The following HRH1 variants were observed in gnomAD, a reference collection of about 807,000 sequenced individuals.
HRH1 encodes the protein histamine H1 receptor.
HRH1 carries 6 observed loss-of-function variants against 10.3 expected under a neutral mutation model. That is an observed-to-expected ratio of 0.58 (90% CI 0.32 to 1.15). The LOEUF (loss-of-function observed/expected upper bound fraction) is 1.15, where lower values mean the gene tolerates loss of function less well. Among genes scored for constraint, HRH1 ranks in the 50% most tolerant of loss-of-function variants. HRH1 has a pLI of 0.05. For missense variants in HRH1, 514 were observed against 615.3 expected (o/e 0.84, Z 1.74); for synonymous variants, 242 against 236.7 (o/e 1.02, Z -0.21).
chr3:11,250,738 C>T (rs1345627700), intron 1 of HRH1, among the ~76,000 whole-genome samples: 1 of 152,078 alleles, frequency 6.6e-6, no homozygotes, highest in Non-Finnish European at 1.5e-5. Context: ...GGGGGTAGAC[C>T]TATGTTTTTT....
intron 1 of HRH1, among the ~76,000 whole-genome samples, chr3:11,227,286 CTT>C (rs111275947): frequency 7.0e-5 from 10 of 142,950 alleles, no homozygotes; most frequent in African/African-American, 1.5e-4. Context: ...TGATTAAGAT[CTT>C]TTTTTTTTTT....
chr3:11,241,007 A>G (rs969822333), intron 1 of HRH1, among the ~76,000 whole-genome samples: 2 of 152,244 alleles, frequency 1.3e-5, no homozygotes. Flanking sequence ...AGAGAAAATA[A>G]AAGATGTGCT....
At chr3:11,197,532 A>G (rs1675500162) in intron 1 of HRH1, among the ~76,000 whole-genome samples, 1 of 152,214 alleles carries the variant, frequency 6.6e-6, no homozygotes, top group Non-Finnish European at 1.5e-5. Flanking sequence ...TGGGAAAGGC[A>G]CATTAATCTG....
rs199558620 is a variant in HRH1, at chr3:11,262,638, G to A, written c.*2137G>A. ...GGTCCCTCAGGACCAAAGAACACTCGAAAAGAGCACTTCACACAGACAAGT... is the reference window on the plus strand; with the variant it reads ...GGTCCCTCAGGACCAAAGAACACTCAAAAAGAGCACTTCACACAGACAAGT... On this transcript the variant is annotated 3_prime_UTR_variant, in exon 2 of 2. Coordinates refer to ENST00000431010, the MANE Select transcript of HRH1 (RefSeq NM_001098212.2). The A allele has an allele frequency of 3.0e-5, 5 of 167,018 alleles. No individual in the cohort carries two copies. The highest frequency in any genetic ancestry group is 6.5e-5 in the Admixed American group (1 of 15,284). The allele number at this position is 167,018 out of a possible 1,614,324, so 10.3% of individuals were successfully genotyped here. A position where few individuals can be genotyped will look rare whatever the true frequency, so the allele number is the denominator to read the frequency against.
intron 1 of HRH1, among the ~76,000 whole-genome samples, chr3:11,156,627 G>A (rs1433372390): frequency 5.3e-5 from 8 of 152,172 alleles, no homozygotes; most frequent in Admixed American, 6.5e-5. Flanking sequence ...GTTGCTACAC[G>A]TCTCCGTTCC....
At chr3:11,237,968 G>A (rs1021484580) in intron 1 of HRH1, among the ~76,000 whole-genome samples, 15 of 152,114 alleles carry the variant, frequency 9.9e-5, no homozygotes, top group African/African-American at 3.1e-4. Context: ...GAGCCACTGC[G>A]CCCAGCCTCT....
intron 1 of HRH1, among the ~76,000 whole-genome samples, chr3:11,138,267 C>T (rs1181263204): frequency 6.6e-6 from 1 of 150,808 alleles, no homozygotes; most frequent in Non-Finnish European, 1.5e-5. Context: ...TGTGATCTGC[C>T]CGCCTCGGCC....
chr3:11,260,331 T>C lies in HRH1; in HGVS notation c.1294T>C (p.Phe432Leu). 6.2e-7 allele frequency: 1 copy of C among 1,614,208 alleles called. No homozygotes were observed. Among genetic ancestry groups the C allele is most frequent in the East Asian group, 2.2e-5 (1 of 44,890 alleles). Residue 432 changes from phenylalanine (F) to leucine (L), a missense_variant, in exon 2 of 2, where the codon TTC (phenylalanine) becomes CTC (leucine). Phe to Leu is a conservative substitution (Grantham distance 22). Transcript: ENST00000431010. ...AAFILCWIPYFIFFMVIAFCK... is the reference protein window; with the variant it reads ...AAFILCWIPYLIFFMVIAFCK... ...CTTCATCCTCTGCTGGATCCCTTAT[T>C]TCATCTTCTTCATGGTCATTGCCTT...
rs575450467 is a variant in HRH1, at chr3:11,262,944, G to A, written c.*2443G>A. The A allele has an allele frequency of 4.2e-5, 7 of 167,172 alleles. No individual in the cohort carries two copies. Among genetic ancestry groups the A allele is most frequent in the African/African-American group, 1.7e-4 (7 of 41,566 alleles). 10.4% of individuals were successfully genotyped at this position (167,172 alleles called of 1,614,324 possible). The stretch of plus-strand genomic sequence containing the variant: ...TGCCAGGCTTTGTGTTTTATCTAAT[G>A]TTATCTAATGGTATTGGTGCCATTA... On this transcript the variant is annotated 3_prime_UTR_variant, in exon 2 of 2. Transcript: ENST00000431010.
At chr3:11,222,775 C>A (rs950997414) in intron 1 of HRH1, among the ~76,000 whole-genome samples, 1 of 152,160 alleles carries the variant, frequency 6.6e-6, no homozygotes, top group Non-Finnish European at 1.5e-5. Flanking sequence ...CCTAAGACAA[C>A]ACTACACCCT....
At chr3:11,238,412 G>A (rs1424120022) in intron 1 of HRH1, among the ~76,000 whole-genome samples, 1 of 152,130 alleles carries the variant, frequency 6.6e-6, no homozygotes, top group South Asian at 2.1e-4. Context: ...TCATTTAAAT[G>A]AAACTGAAGA....
At chr3:11,232,439 GTTCTAT>G (rs71626994) in intron 1 of HRH1, among the ~76,000 whole-genome samples, 21,582 of 151,968 alleles carry the variant, frequency 0.14, 1,884 homozygotes, top group Middle Eastern at 0.2. Context: ...TATTTGTGTG[GTTCTAT>G]TTCTATTTCT....
intron 1 of HRH1, among the ~76,000 whole-genome samples, chr3:11,227,151 C>T (rs1023936581): frequency 6.6e-6 from 1 of 152,188 alleles, no homozygotes; most frequent in Non-Finnish European, 1.5e-5. Flanking sequence ...TGCAGCAGAA[C>T]AGAACAGGGG....
At chr3:11,173,824 T>C (rs60200508) in intron 1 of HRH1, among the ~76,000 whole-genome samples, 2,002 of 152,272 alleles carry the variant, frequency 0.013, 56 homozygotes, top group African/African-American at 0.046. Context: ...TGGAAACAGT[T>C]TGGGGAGGCC....
intron 1 of HRH1, among the ~76,000 whole-genome samples, chr3:11,144,479 A>AGACATACGTCTATAGGTATATATACC (rs1936382814): frequency 1.3e-3 from 186 of 143,284 alleles, no homozygotes; most frequent in African/African-American, 3.9e-3. Context: ...ATAGACATAT[A>AGACATACGTCTATAGGTATATATACC]TATACACACA....
chr3:11,184,237 C>T lies in HRH1; in HGVS notation c.-36+29683C>T, dbSNP rs370241287. Among the ~76,000 whole-genome samples the T allele has an allele frequency of 5.9e-5, 9 of 152,280 alleles. No individual in the cohort carries two copies. In the South Asian group the frequency reaches 1.9e-3, roughly 32 times the overall value. On this transcript the variant is annotated intron_variant, in intron 1 of 1. Coordinates refer to ENST00000431010, the MANE Select transcript of HRH1 (RefSeq NM_001098212.2). ...TATCTGACAGGCACGATTCTAAGTC[C>T]TTTACATATATTAACGCAGTTAATC...
chr3:11,216,681 C>T (rs1430317443), intron 1 of HRH1, among the ~76,000 whole-genome samples: 1 of 151,174 alleles, frequency 6.6e-6, no homozygotes, highest in Non-Finnish European at 1.5e-5. Flanking sequence ...GAGTTCAAGA[C>T]CAGTCTGGGT....
chr3:11,199,667 A>C (rs1937824521), intron 1 of HRH1, among the ~76,000 whole-genome samples: 1 of 152,090 alleles, frequency 6.6e-6, no homozygotes, highest in South Asian at 2.1e-4. Flanking sequence ...TCCTCCCAGC[A>C]CCTGGCCCAG....
chr3:11,139,958 T>G (rs13317080), intron 1 of HRH1, among the ~76,000 whole-genome samples: 4,861 of 152,292 alleles, frequency 0.032, 234 homozygotes, highest in African/African-American at 0.1. Flanking sequence ...TTAAAGTGGT[T>G]TAAATGGTAG....
Sources: allele counts gnomAD v4.1 joint callset (sites outside exome capture counted in the v4.1 genomes callset), GRCh38; gene constraint gnomAD v4.1.1; transcripts MANE v1.5; gene names NCBI Gene and HGNC (gene_info 2026-07-23, HGNC 2026-07-21).